The following ANKRD26 variants were observed in gnomAD, a reference collection of about 807,000 sequenced individuals.
ANKRD26 encodes ankyrin repeat domain 26.
In ANKRD26, 141 loss-of-function variants were observed where a neutral mutation model predicts 208.7. That is an observed-to-expected ratio of 0.68 (90% CI 0.59 to 0.78). ANKRD26 has a LOEUF of 0.78. Ranked by LOEUF, ANKRD26 falls within the 30% of genes least tolerant of loss-of-function variation. The pLI is 0.00. For synonymous variants in ANKRD26, 636 were observed against 660.4 expected, an observed-to-expected ratio of 0.96 and a Z score of 0.57; for missense variants, 1,889 against 1,938.7, an observed-to-expected ratio of 0.97 and a Z score of 0.48.
intron 5 of ANKRD26, among the ~76,000 whole-genome samples, chr10:27,083,206 C>T (rs561946284): frequency 6.6e-6 from 1 of 152,156 alleles, no homozygotes; most frequent in African/African-American, 2.4e-5. Flanking sequence ...CTTACATTTC[C>T]ACTACTCCTG....
At chr10:26,977,057 C>T (rs992884687) in intron 5 of ANKRD26, among the ~76,000 whole-genome samples, 3 of 152,112 alleles carry the variant, frequency 2.0e-5, no homozygotes, top group African/African-American at 4.8e-5. Flanking sequence ...CCGGAAACTT[C>T]GATGCTTCAA....
intron 9 of ANKRD26, among the ~76,000 whole-genome samples, chr10:27,069,534 CCT>C (rs1211021972): frequency 6.6e-6 from 1 of 152,118 alleles, no homozygotes; most frequent in East Asian, 1.9e-4. Context: ...GTCACCAACC[CCT>C]GAGCTCAAGT....
At chr10:26,969,120 T>C (rs1269065987), downstream of ANKRD26, among the ~76,000 whole-genome samples, 1 of 152,176 alleles carries the variant, frequency 6.6e-6, no homozygotes, top group Non-Finnish European at 1.5e-5. Flanking sequence ...TAATATATAC[T>C]CCTTGAGTCA....
the ANKRD26 span, among the ~76,000 whole-genome samples, chr10:26,957,710 G>A: frequency 6.6e-6 from 1 of 152,160 alleles, no homozygotes; most frequent in Admixed American, 6.5e-5. Flanking sequence ...TTTGGTTGAG[G>A]CTGGTTTGCT....
chr10:27,021,675 T>C (rs1225545292), intron 29 of ANKRD26, among the ~76,000 whole-genome samples: 1 of 152,254 alleles, frequency 6.6e-6, no homozygotes, highest in Non-Finnish European at 1.5e-5. Context: ...TTGTATATTC[T>C]GGATATTAGT....
intron 16 of ANKRD26, 88 bp downstream of exon 16, chr10:27,053,232 T>C (rs2054723061): frequency 3.2e-6 from 3 of 943,212 alleles, no homozygotes; most frequent in Non-Finnish European, 3.3e-6. Flanking sequence ...AAAAGGCTAG[T>C]CTGAAAAGTA....
chr10:27,031,804 CTA>C (rs955787090), intron 25 of ANKRD26, among the ~76,000 whole-genome samples: 5 of 151,972 alleles, frequency 3.3e-5, no homozygotes, highest in Admixed American at 1.3e-4. Context: ...CTAAATATTT[CTA>C]TGTTTTTATA....
chr10:27,058,397 A>G (rs1230537370), intron 15 of ANKRD26, among the ~76,000 whole-genome samples: 1 of 152,226 alleles, frequency 6.6e-6, no homozygotes, highest in Non-Finnish European at 1.5e-5. Context: ...GTAACATCAT[A>G]AGCTAATGGT....
At chr10:27,092,609 A>C in intron 3 of ANKRD26, 97 bp from the exon 4 acceptor site, 2 of 926,310 alleles carry the variant, frequency 2.2e-6, no homozygotes. Context: ...GAAACATATA[A>C]AATAGAAAAC....
chr10:27,076,920 C>G (rs1216412775), intron 9 of ANKRD26: 1 of 170,330 alleles, frequency 5.9e-6, no homozygotes, highest in African/African-American at 2.4e-5. Context: ...ACCAGACATT[C>G]AAAAAAGAAC....
intron 16 of ANKRD26, chr10:27,051,960 A>G: frequency 1.0e-6 from 1 of 985,288 alleles, no homozygotes; most frequent in Non-Finnish European, 1.2e-6. Context: ...TTTGGTCCAC[A>G]TTTCTTCATC....
chr10:26,961,429 A>C, the ANKRD26 span, among the ~76,000 whole-genome samples: 1 of 152,214 alleles, frequency 6.6e-6, no homozygotes, highest in Non-Finnish European at 1.5e-5. Flanking sequence ...AGTGAGATAT[A>C]AGCGTGGGAT....
Position 26,982,666 on chromosome 10 carries a change from T to C in ANKRD26, c.*17+27A>G, listed in dbSNP as rs538002111. ...AATATGTATGTGGAGCTAGGCCAGA[T>C]TTATAGCAACATAAGGGAAAGTAAA... On this transcript the variant is annotated intron_variant and NMD_transcript_variant, in intron 4 of 5. Transcript: ENST00000674670. Among the ~76,000 whole-genome samples, 9 of 151,942 alleles carry C rather than the reference T, an allele frequency of 5.9e-5. No individual in the cohort carries two copies. The East Asian group carries it at 1.5e-3, about 26-fold the overall frequency.
At chr10:27,028,997 CTGTG>C in intron 26 of ANKRD26, 52 bp from the exon 27 acceptor site, 1 of 1,426,386 alleles carries the variant, frequency 7.0e-7, no homozygotes, top group Non-Finnish European at 9.7e-7. Context: ...TTTTAAAATA[CTGTG>C]TAATTTCTTA....
chr10:26,980,616 T>C (rs1442289757), exon 5 of ANKRD26, among the ~76,000 whole-genome samples: 1 of 152,220 alleles, frequency 6.6e-6, no homozygotes, highest in Non-Finnish European at 1.5e-5. Flanking sequence ...TCATGAGAGA[T>C]GTTCCTACAG....
chr10:27,060,733 A>G (rs574369978), intron 13 of ANKRD26, among the ~76,000 whole-genome samples, 193 bp from the exon 14 acceptor site: 19 of 152,362 alleles, frequency 1.2e-4, no homozygotes, highest in African/African-American at 4.3e-4. Context: ...ACAGGAATAT[A>G]GGTTTAATAA....
At chr10:26,947,722 C>T in the ANKRD26 span, among the ~76,000 whole-genome samples, 1,400 of 152,244 alleles carry the variant, frequency 9.2e-3, 22 homozygotes, top group African/African-American at 0.032. Flanking sequence ...AAATCATTGA[C>T]CTTCTTTTTT....
At chr10:27,061,332 T>C in intron 12 of ANKRD26, 90 bp from the exon 13 acceptor site, 1 of 803,724 alleles carries the variant, frequency 1.2e-6, no homozygotes, top group South Asian at 1.7e-5. Context: ...ATTAATAACA[T>C]TTTATATTTC....
At chr10:27,033,913 T>C in intron 24 of ANKRD26, among the ~76,000 whole-genome samples, 1 of 152,148 alleles carries the variant, frequency 6.6e-6, no homozygotes, top group Non-Finnish European at 1.5e-5. Context: ...TCTCCCCTAC[T>C]CACTCCATTC....
Sources: allele counts gnomAD v4.1 joint callset (sites outside exome capture counted in the v4.1 genomes callset), GRCh38; gene constraint gnomAD v4.1.1; transcripts MANE v1.5; gene names NCBI Gene and HGNC (gene_info 2026-07-23, HGNC 2026-07-21).